The following IPO11 variants were observed in gnomAD, a reference collection of about 807,000 sequenced individuals.
IPO11 encodes the protein importin 11, also known as importin-11.
A neutral mutation model predicts 143.2 loss-of-function variants in IPO11; 66 were observed. The observed-to-expected ratio is 0.46, with a 90% CI of 0.38 to 0.57. The LOEUF (loss-of-function observed/expected upper bound fraction) is 0.57. IPO11 is among the 20% of genes least tolerant of loss of function. IPO11 has a pLI of 0.00. For synonymous variants in IPO11, 385 were observed against 377.8 expected (o/e 1.02, Z -0.22); for missense variants, 1,026 against 1,141.0 (o/e 0.90, Z 1.45).
intron 26 of IPO11, among the ~76,000 whole-genome samples, chr5:62,558,455 CTTGCTA>C (rs1743652727): frequency 6.6e-6 from 1 of 152,140 alleles, no homozygotes; most frequent in Non-Finnish European, 1.5e-5. Flanking sequence ...AATATAGTGG[CTTGCTA>C]TTGCTAGTAA....
intron 29 of IPO11, among the ~76,000 whole-genome samples, chr5:62,610,948 T>C (rs925691571): frequency 6.6e-6 from 1 of 152,202 alleles, no homozygotes; most frequent in Non-Finnish European, 1.5e-5. Context: ...TTTCTTAAAA[T>C]GGAAAGATGT....
intron 9 of IPO11, among the ~76,000 whole-genome samples, chr5:62,481,695 T>C (rs1746219666): frequency 6.6e-6 from 1 of 152,198 alleles, no homozygotes; most frequent in South Asian, 2.1e-4. Flanking sequence ...TTCGCATTGA[T>C]GTTCATCAGG....
intron 19 of IPO11, among the ~76,000 whole-genome samples, chr5:62,514,365 G>A (rs1356528100): frequency 1.1e-4 from 16 of 152,070 alleles, no homozygotes; most frequent in African/African-American, 2.2e-4. Context: ...CGAGGCTGGC[G>A]GAACACTCGC....
chr5:62,417,516 C>T (rs984042530), intron 1 of IPO11, among the ~76,000 whole-genome samples: 4 of 151,918 alleles, frequency 2.6e-5, no homozygotes, highest in Admixed American at 6.6e-5. Flanking sequence ...ACCATATTTT[C>T]CTTATTTCCT....
chr5:62,450,410 AATGAATAT>A (rs1461716278), intron 4 of IPO11, among the ~76,000 whole-genome samples: 1 of 152,198 alleles, frequency 6.6e-6, no homozygotes, highest in African/African-American at 2.4e-5. Flanking sequence ...ATTGTAGTGC[AATGAATAT>A]ATTACTCATT....
At chr5:62,559,368 A>G (rs1743687401) in intron 26 of IPO11, among the ~76,000 whole-genome samples, 1 of 152,110 alleles carries the variant, frequency 6.6e-6, no homozygotes, top group African/African-American at 2.4e-5. Flanking sequence ...TGGTAGTGAT[A>G]ACAAAATCAC....
intron 29 of IPO11, among the ~76,000 whole-genome samples, chr5:62,603,896 A>G (rs1365095668): frequency 6.6e-6 from 1 of 152,240 alleles, no homozygotes; most frequent in Non-Finnish European, 1.5e-5. Context: ...TAATGATACC[A>G]TATTTTTACT....
intron 29 of IPO11, among the ~76,000 whole-genome samples, chr5:62,610,031 A>G (rs1171472936): frequency 6.6e-6 from 1 of 152,204 alleles, no homozygotes; most frequent in East Asian, 1.9e-4. Context: ...AGGAGGGAAT[A>G]ACAGCAGTCA....
In IPO11 at chr5:62,494,015, G is replaced by A. The variant is rs1251947599; in HGVS notation, c.1481G>A (p.Arg494His). 2 of 1,611,756 alleles carry A rather than the reference G, an allele frequency of 1.2e-6. No individual in the cohort carries two copies. The highest frequency in any genetic ancestry group is 1.7e-5 in the Admixed American group (1 of 59,826). Residue 494 changes from arginine to histidine, a missense_variant, in exon 16 of 30, where the codon CGC (arginine) becomes CAC (histidine). Arg to His is a conservative substitution (Grantham distance 29, BLOSUM62 0). Transcript: ENST00000325324. ...CTGTTTAGGTATAAGCCATTGCGAC[G>A]CAGGGTGATTTGGCTCATCGGTCAG... ...VIHNRYKPLR[R>H]RVIWLIGQWI... is the part of the protein sequence containing the mutation.
chr5:62,501,215 C>T (rs1741335498), intron 16 of IPO11, among the ~76,000 whole-genome samples: 1 of 152,120 alleles, frequency 6.6e-6, no homozygotes, highest in Non-Finnish European at 1.5e-5. Flanking sequence ...CTTTTGTACA[C>T]TCTCTAATTT....
intron 29 of IPO11, among the ~76,000 whole-genome samples, chr5:62,621,274 C>A (rs1490392166): frequency 1.3e-5 from 2 of 152,062 alleles, no homozygotes; most frequent in Non-Finnish European, 2.9e-5. Flanking sequence ...GTCACACGAC[C>A]AGGAAGGATT....
At position 62,443,015 on chromosome 5, in the gene IPO11, T is replaced by C; in HGVS notation, c.171T>C (p.Asn57=). Reference sequence around the variant, plus strand: ...TCACCAACCACACTTTGGATATAAATGTAAGGTGGCTTGCTGTACTGTATT... The same window carrying C: ...TCACCAACCACACTTTGGATATAAACGTAAGGTGGCTTGCTGTACTGTATT... The part of the protein sequence containing the change: ...NIFTNHTLDI[N]VRWLAVLYFK... The change falls in exon 3 of 30, where the codon AAT becomes AAC. Residue 57 remains asparagine (N), a synonymous_variant. Coordinates refer to ENST00000325324, the MANE Select transcript of IPO11 (RefSeq NM_016338.5). 6.2e-7 allele frequency: 1 copy of C among 1,611,072 alleles called. No individual in the cohort carries two copies. Among genetic ancestry groups the C allele is most frequent in the Non-Finnish European group, 8.5e-7 (1 of 1,178,250 alleles).
chr5:62,589,479 T>C (rs930456189), intron 27 of IPO11, among the ~76,000 whole-genome samples: 3 of 152,186 alleles, frequency 2.0e-5, no homozygotes, highest in Admixed American at 2.0e-4. Flanking sequence ...TCCTAGACTC[T>C]TTCCTCCCAT....
At chr5:62,494,438 G>A (rs536026668) in intron 16 of IPO11, among the ~76,000 whole-genome samples, 9 of 152,070 alleles carry the variant, frequency 5.9e-5, no homozygotes, top group Admixed American at 2.0e-4. Context: ...ATAGACTTTG[G>A]CATTGAAATA....
rs1741045152 is a variant in IPO11 at position 62,494,140 on chromosome 5, G to A, written c.1590+16G>A. ...AGATTTAGTGGTATGTTTCTTAAGT[G>A]CCTTAAAAGAGTTAGTTTTTAAAGT... On this transcript the variant is annotated intron_variant, in intron 16 of 29. Coordinates refer to ENST00000325324, the MANE Select transcript of IPO11 (RefSeq NM_016338.5). 2.5e-6 allele frequency: 4 copies of A among 1,591,748 alleles called. No homozygotes were observed. Among genetic ancestry groups the A allele is most frequent in the Admixed American group, 1.8e-5 (1 of 56,952 alleles).
intron 11 of IPO11, 42 bp from the exon 12 acceptor site, chr5:62,485,372 TAAACC>T: frequency 2.1e-6 from 3 of 1,462,266 alleles, no homozygotes; most frequent in Non-Finnish European, 2.9e-6. Flanking sequence ...CTTTGTTTTC[TAAACC>T]AAGATGTTGA....
rs376589984 is a variant in IPO11 at position 62,561,238 on chromosome 5, C to G, written c.2563C>G (p.Leu855Val). Residue 855 changes from leucine to valine, a missense_variant, in exon 27 of 30, where the codon CTT becomes GTT. Physicochemically the swap from Leu to Val is conservative, Grantham distance 32 (BLOSUM62 1). Coordinates refer to ENST00000325324, the MANE Select transcript of IPO11 (RefSeq NM_016338.5). ...ACTTTCAGCTTTGGCTTTGCTCTCT[C>G]TTCTGCCATCTGATAATAGGTGAGG... ...RKLSALALLSLLPSDNSVIQD... is the reference protein window; with the variant it reads ...RKLSALALLSVLPSDNSVIQD... The G allele has an allele frequency of 8.6e-5, 136 of 1,577,492 alleles. No homozygotes were observed. The highest frequency in any genetic ancestry group is 1.7e-4 in the Middle Eastern group (1 of 5,976).
intron 7 of IPO11, among the ~76,000 whole-genome samples, chr5:62,471,157 A>G (rs1373356206): frequency 6.6e-6 from 1 of 150,400 alleles, no homozygotes; most frequent in Admixed American, 6.6e-5. Flanking sequence ...TTTAAAATAA[A>G]TGAAATGGCA....
intron 16 of IPO11, among the ~76,000 whole-genome samples, chr5:62,500,938 C>G (rs1216371110): frequency 1.3e-5 from 2 of 152,142 alleles, no homozygotes; most frequent in East Asian, 3.8e-4. Context: ...CAGTTATAAT[C>G]TTATGAGACT....
Sources: gnomAD v4.1 joint callset for allele counts (sites outside exome capture counted in the v4.1 genomes callset) on GRCh38, gnomAD v4.1.1 for gene constraint, MANE v1.5 for transcripts, NCBI Gene and HGNC (gene_info 2026-07-23, HGNC 2026-07-21) for gene names.